Variants in EML4 observed in about 807,000 individuals in gnomAD.
The protein encoded by EML4 is EMAP like 4.
EML4 carries 72 observed loss-of-function variants against 129.0 expected under a neutral mutation model. The observed-to-expected ratio is 0.56, with a 90% CI of 0.46 to 0.68. The LOEUF (loss-of-function observed/expected upper bound fraction) is 0.68, where lower values mean the gene tolerates loss of function less well. EML4 is among the 30% of genes least tolerant of loss of function. The pLI is 0.00. For missense variants in EML4, 1,363 were observed against 1,190.6 expected (o/e 1.14, Z -2.13); for synonymous variants, 532 against 405.0 (o/e 1.31, Z -3.77).
In EML4 at chr2:42,326,224, T is replaced by C. The variant is rs751064569; in HGVS notation, c.2313T>C (p.Tyr771=). 8 of 1,612,996 alleles carry C rather than the reference T, an allele frequency of 5.0e-6. No homozygotes were observed. The highest frequency in any genetic ancestry group is 1.7e-5 in the Admixed American group (1 of 59,886). Residue 771 remains tyrosine, a synonymous_variant, in exon 21 of 23, where the codon TAT becomes TAC. Coordinates refer to ENST00000318522, the MANE Select transcript of EML4 (RefSeq NM_019063.5). The stretch of plus-strand genomic sequence containing the variant: ...GTAAGGACATTGATTGGACGACATA[T>C]ACCTGTGTGCTAGGATTTCAAGTAT... ...SDCKDIDWTT[Y]TCVLGFQVFG... is the part of the protein sequence containing the mutation.
chr2:42,257,061 A>G (rs1345222775), intron 3 of EML4, among the ~76,000 whole-genome samples: 4 of 152,164 alleles, frequency 2.6e-5, no homozygotes, highest in Non-Finnish European at 4.4e-5. Flanking sequence ...TTTTTTAACC[A>G]TAACTATAAA....
intron 1 of EML4, among the ~76,000 whole-genome samples, chr2:42,194,540 A>C (rs1671788636): frequency 6.7e-6 from 1 of 150,352 alleles, no homozygotes; most frequent in African/African-American, 2.4e-5. Context: ...TTTTTAGACA[A>C]GGTCTTGCCC....
chr2:42,275,478 C>T (rs1666605542), intron 6 of EML4, among the ~76,000 whole-genome samples: 1 of 152,178 alleles, frequency 6.6e-6, no homozygotes, highest in Admixed American at 6.5e-5. Flanking sequence ...GTTTCCCCTT[C>T]TGTAAAAGGA....
intron 1 of EML4, among the ~76,000 whole-genome samples, chr2:42,189,288 A>C (rs561766276): frequency 1.8e-4 from 28 of 152,160 alleles, no homozygotes; most frequent in Admixed American, 1.4e-3. Flanking sequence ...TTTAATTTTA[A>C]ATCTGTCCAT....
intron 10 of EML4, 48 bp downstream of exon 10, chr2:42,286,427 G>A (rs776335056): frequency 8.5e-7 from 1 of 1,173,790 alleles, no homozygotes; most frequent in East Asian, 2.3e-5. Flanking sequence ...AAAAAAGCAG[G>A]AAAGAAGTTA....
chr2:42,176,308 G>C (rs1670599124), intron 1 of EML4, among the ~76,000 whole-genome samples: 2 of 152,086 alleles, frequency 1.3e-5, no homozygotes, highest in South Asian at 2.1e-4. Flanking sequence ...TCGATGCGTG[G>C]ATTATTGCAT....
At chr2:42,262,424 A>C (rs1388582909) in intron 4 of EML4, among the ~76,000 whole-genome samples, 3 of 152,098 alleles carry the variant, frequency 2.0e-5, no homozygotes, top group Admixed American at 6.5e-5. Context: ...TTTTATAATC[A>C]GTCTCTTTAA....
chr2:42,198,382 G>T (rs1294142833), intron 1 of EML4, among the ~76,000 whole-genome samples: 1 of 152,076 alleles, frequency 6.6e-6, no homozygotes, highest in Non-Finnish European at 1.5e-5. Flanking sequence ...GGAAGGCTTG[G>T]TGTTTAACTC....
At chr2:42,302,931 G>T (rs887312046) in intron 14 of EML4, among the ~76,000 whole-genome samples, 173 bp from the exon 15 acceptor site, 4 of 152,124 alleles carry the variant, frequency 2.6e-5, no homozygotes, top group African/African-American at 9.7e-5. Context: ...TATAACTTCT[G>T]TATAATAAAA....
intron 6 of EML4, 148 bp from the exon 7 acceptor site, chr2:42,280,702 T>G: frequency 1.6e-6 from 1 of 614,136 alleles, no homozygotes; most frequent in Non-Finnish European, 2.8e-6. Flanking sequence ...ACAGGACAAC[T>G]ATATAACAAA....
At chr2:42,286,700 A>ATT (rs1667328010) in intron 10 of EML4, among the ~76,000 whole-genome samples, 1 of 152,240 alleles carries the variant, frequency 6.6e-6, no homozygotes, top group Non-Finnish European at 1.5e-5. Flanking sequence ...GACAAGCAAT[A>ATT]GGATGCATTT....
chr2:42,200,978 A>G (rs1474916842), intron 1 of EML4, among the ~76,000 whole-genome samples: 7 of 152,188 alleles, frequency 4.6e-5, no homozygotes, highest in Non-Finnish European at 1.0e-4. Context: ...ACCCTAAGAA[A>G]TTAAGTGAAT....
chr2:42,301,142 G>A (rs1477505131), intron 13 of EML4, 99 bp from the exon 14 acceptor site: 1 of 1,029,202 alleles, frequency 9.7e-7, no homozygotes, highest in Non-Finnish European at 1.4e-6. Flanking sequence ...TGAACTTTCT[G>A]ATTATTAACT....
chr2:42,273,920 A>G (rs1666511854), intron 6 of EML4, among the ~76,000 whole-genome samples: 1 of 152,208 alleles, frequency 6.6e-6, no homozygotes, highest in East Asian at 1.9e-4. Flanking sequence ...ATTTTAAAAT[A>G]CTGAATTATA....
chr2:42,209,858 G>T (rs1482577546), intron 1 of EML4, among the ~76,000 whole-genome samples: 1 of 152,148 alleles, frequency 6.6e-6, no homozygotes, highest in Non-Finnish European at 1.5e-5. Flanking sequence ...GAACCCAGGA[G>T]GCGGAGATTG....
chr2:42,302,749 G>A (rs772358881), intron 14 of EML4, among the ~76,000 whole-genome samples: 4 of 152,094 alleles, frequency 2.6e-5, no homozygotes, highest in Admixed American at 6.5e-5. Context: ...GGCCAGGCTG[G>A]TCTCGAACTC....
rs186808790 is a variant in EML4, at chr2:42,196,208, A to G, written c.25+26572A>G. On this transcript the variant is annotated intron_variant, in intron 1 of 22. Transcript: ENST00000318522. ...AGTGAATTAATACATTCAGTCATTA[A>G]TGAGTGAATTAATACATTCATTTAT... Among the ~76,000 whole-genome samples, 5 of 152,326 alleles carry G rather than the reference A, an allele frequency of 3.3e-5. No homozygotes were observed. In the South Asian group the frequency reaches 6.2e-4, roughly 19 times the overall value.
intron 1 of EML4, among the ~76,000 whole-genome samples, chr2:42,211,204 A>T (rs1170558600): frequency 1.3e-5 from 2 of 152,206 alleles, no homozygotes; most frequent in Non-Finnish European, 2.9e-5. Context: ...AGGGGCATAC[A>T]GTTGGACTTT....
At chr2:42,201,541 C>T (rs959237383) in intron 1 of EML4, among the ~76,000 whole-genome samples, 2 of 152,138 alleles carry the variant, frequency 1.3e-5, no homozygotes, top group African/African-American at 4.8e-5. Context: ...TGAAGAGATG[C>T]CTGCACTCTC....
Sources: gnomAD v4.1 joint callset for allele counts (sites outside exome capture counted in the v4.1 genomes callset) on GRCh38, gnomAD v4.1.1 for gene constraint, MANE v1.5 for transcripts, NCBI Gene and HGNC (gene_info 2026-07-23, HGNC 2026-07-21) for gene names.